Variants in CENPU observed in about 807,000 individuals in gnomAD.
The protein encoded by CENPU is centromere protein U, also known as KSHV latent nuclear antigen interacting protein 1.
CENPU carries 46 observed loss-of-function variants against 56.7 expected under a neutral mutation model. That is an observed-to-expected ratio of 0.81 (90% CI 0.64 to 1.04). The LOEUF (loss-of-function observed/expected upper bound fraction) is 1.04, where lower values mean the gene tolerates loss of function less well. Ranked by LOEUF, CENPU falls within the 50% of genes least tolerant of loss-of-function variation. The pLI, the probability that CENPU is intolerant of heterozygous loss-of-function variation, is 0.00. For synonymous variants in CENPU, 166 were observed against 163.0 expected (o/e 1.02, Z -0.14); for missense variants, 510 against 490.1 (o/e 1.04, Z -0.38).
intron 7 of CENPU, among the ~76,000 whole-genome samples, chr4:184,711,813 C>CA (rs1760934063): frequency 2.0e-5 from 3 of 151,798 alleles, no homozygotes; most frequent in East Asian, 1.9e-4. Flanking sequence ...CATACGTTCG[C>CA]AAAAAAATGT....
intron 8 of CENPU, among the ~76,000 whole-genome samples, chr4:184,709,485 C>CAA (rs370228402): frequency 3.3e-4 from 43 of 128,888 alleles, no homozygotes; most frequent in African/African-American, 6.9e-4. Flanking sequence ...GACTCCATCT[C>CAA]AAAAAAAAAA....
rs1453866530 is a variant in CENPU, at chr4:184,722,279, C to CA, written c.320+2677dup. On this transcript the variant is annotated intron_variant, in intron 4 of 12. Coordinates refer to ENST00000281453, the MANE Select transcript of CENPU (RefSeq NM_024629.4). ...AGTTTACAGCTATAAGCGCCTACAT[C>CA]AAAAAAAGAAAAACTTTAAATAAAT... Among the ~76,000 whole-genome samples the CA allele has an allele frequency of 2.0e-5, 3 of 151,740 alleles. No individual in the cohort carries two copies. In the South Asian group the frequency reaches 6.2e-4, roughly 32 times the overall value.
At chr4:184,695,857 G>A (rs1760274824) in intron 12 of CENPU, among the ~76,000 whole-genome samples, 1 of 151,980 alleles carries the variant, frequency 6.6e-6, no homozygotes, top group Admixed American at 6.6e-5. Flanking sequence ...AGTTCTTAAG[G>A]AAAAAAGAAA....
intron 1 of CENPU, among the ~76,000 whole-genome samples, chr4:184,732,338 C>A (rs1053793128): frequency 2.0e-5 from 3 of 152,082 alleles, no homozygotes; most frequent in Non-Finnish European, 4.4e-5. Flanking sequence ...GAACAGGTTG[C>A]TTGGCACCAC....
At chr4:184,697,505 G>T in intron 12 of CENPU, 142 bp downstream of exon 12, 1 of 773,222 alleles carries the variant, frequency 1.3e-6, no homozygotes, top group Non-Finnish European at 2.1e-6. Flanking sequence ...AAGTTTCACT[G>T]GCTTATAGTG....
At chr4:184,726,827 G>A (rs551929192) in intron 3 of CENPU, among the ~76,000 whole-genome samples, 9 of 152,180 alleles carry the variant, frequency 5.9e-5, no homozygotes, top group East Asian at 5.8e-4. Flanking sequence ...AGTGGCTCAC[G>A]TCTGTAATCC....
At chr4:184,731,125 G>A (rs1186204651) in intron 1 of CENPU, among the ~76,000 whole-genome samples, 157 bp from the exon 2 acceptor site, 1 of 151,122 alleles carries the variant, frequency 6.6e-6, no homozygotes, top group Non-Finnish European at 1.5e-5. Flanking sequence ...TATCACCAAT[G>A]TATAAAATAA....
In CENPU at chr4:184,717,169, A is replaced by T. The variant is rs765821031; in HGVS notation, c.348T>A (p.Ser116Arg). 4 of 1,612,432 alleles carry T rather than the reference A, an allele frequency of 2.5e-6. No individual in the cohort carries two copies. The South Asian group carries it at 4.4e-5, about 18-fold the overall frequency. ...RSSDTSGNEA[S>R]EIESVKISAK... is the part of the protein sequence containing the mutation. ...CACTAATTTTTACAGATTCGATTTC[A>T]CTTGCTTCATTTCCAGAAGTGTCTG... is the stretch of plus-strand genomic sequence containing the variant. Residue 116 changes from serine (S) to arginine (R), a missense_variant, in exon 5 of 13, where the codon AGT becomes AGA. Physicochemically the swap from Ser to Arg is moderately radical, Grantham distance 110. Transcript: ENST00000281453.
At chr4:184,728,198 T>C (rs576226759) in intron 3 of CENPU, among the ~76,000 whole-genome samples, 1 of 152,370 alleles carries the variant, frequency 6.6e-6, no homozygotes, top group Non-Finnish European at 1.5e-5. Context: ...ATTTAGATTT[T>C]AGACAAATAG....
chr4:184,694,429 A>T lies in CENPU; in HGVS notation c.*859T>A, dbSNP rs1760005210. The T allele has an allele frequency of 6.8e-7, 1 of 1,480,022 alleles. No individual in the cohort carries two copies. Among genetic ancestry groups the T allele is most frequent in the African/African-American group, 1.4e-5 (1 of 70,508 alleles). 91.7% of individuals were successfully genotyped at this position (1,480,022 alleles called of 1,614,324 possible). ...TTCACTTTAGTATCTGTCACTTAAT[A>T]CCTTACTTCAACATAGAGTATAAGG... is the stretch of plus-strand genomic sequence containing the variant. On this transcript the variant is annotated 3_prime_UTR_variant, in exon 13 of 13. Transcript: ENST00000281453.
At chr4:184,715,085 C>T (rs1356811919) in intron 6 of CENPU, among the ~76,000 whole-genome samples, 1 of 152,106 alleles carries the variant, frequency 6.6e-6, no homozygotes, top group Non-Finnish European at 1.5e-5. Context: ...TATTTGTTTA[C>T]ATGTACAAAA....
rs746199897 is a variant in CENPU at position 184,694,765 on chromosome 4, G to A, written c.*523C>T. 6.2e-7 allele frequency: 1 copy of A among 1,609,802 alleles called. No individual in the cohort carries two copies. The highest frequency in any genetic ancestry group is 1.1e-5 in the South Asian group (1 of 91,004). On this transcript the variant is annotated 3_prime_UTR_variant, in exon 13 of 13. Coordinates refer to ENST00000281453, the MANE Select transcript of CENPU (RefSeq NM_024629.4). ...AATTCCTGATGAACTAATTATAGAA[G>A]TATTACAAGAGTAACTAATTCACTA... is the stretch of plus-strand genomic sequence containing the variant.
Position 184,695,397 on chromosome 4 carries a change from T to C in CENPU, c.1148A>G (p.Asp383Gly), listed in dbSNP as rs1760245288. ...TAACAGAGCTGGAAGGCTGGATGAATCATACTGTTGAAAGAAAATTATATA... is the reference window on the plus strand; with the variant it reads ...TAACAGAGCTGGAAGGCTGGATGAACCATACTGTTGAAAGAAAATTATATA... The part of the protein sequence containing the change: ...AQEPNVKETY[D>G]SSSLPALLFK... The change falls in exon 13 of 13, where the codon GAT (aspartate) becomes GGT (glycine). Residue 383 changes from aspartate to glycine, a missense_variant. Transcript: ENST00000281453. 1.9e-6 allele frequency: 3 copies of C among 1,608,826 alleles called. No homozygotes were observed. Among genetic ancestry groups the C allele is most frequent in the Non-Finnish European group, 8.5e-7 (1 of 1,175,586 alleles).
intron 11 of CENPU, among the ~76,000 whole-genome samples, 194 bp downstream of exon 11, chr4:184,700,626 T>A (rs1200141613): frequency 2.0e-5 from 3 of 152,290 alleles, no homozygotes; most frequent in Non-Finnish European, 4.4e-5. Context: ...TCTGTGGAGA[T>A]AGATCAGTGT....
In CENPU at chr4:184,729,007, T is replaced by G; in HGVS notation, c.125A>C (p.Asp42Ala). ...AGAATTATCAGGAAAGTCGAACACG[T>G]CAATAGGCTTGCACTTTTGACCAGC... is the stretch of plus-strand genomic sequence containing the variant. ...DKAGQKCKPI[D>A]VFDFPDNSDV... is the part of the protein sequence containing the mutation. The change falls in exon 3 of 13, where the codon GAC becomes GCC. Residue 42 changes from aspartate (D) to alanine (A), a missense_variant. Transcript: ENST00000281453. 6.2e-7 allele frequency: 1 copy of G among 1,613,950 alleles called. No homozygotes were observed. Among genetic ancestry groups the G allele is most frequent in the Non-Finnish European group, 8.5e-7 (1 of 1,179,944 alleles).
At chr4:184,729,208 T>C (rs1761555008) in intron 2 of CENPU, among the ~76,000 whole-genome samples, 173 bp from the exon 3 acceptor site, 1 of 152,220 alleles carries the variant, frequency 6.6e-6, no homozygotes, top group African/African-American at 2.4e-5. Context: ...TAGACATGTA[T>C]GGCAAGATCA....
At chr4:184,712,580 C>T (rs1760961315) in intron 7 of CENPU, among the ~76,000 whole-genome samples, 2 of 152,178 alleles carry the variant, frequency 1.3e-5, no homozygotes, top group African/African-American at 2.4e-5. Flanking sequence ...CATGTGCATA[C>T]TTATGTATTC....
chr4:184,703,499 A>T (rs1340090662), intron 8 of CENPU, among the ~76,000 whole-genome samples: 1 of 152,120 alleles, frequency 6.6e-6, no homozygotes, highest in Non-Finnish European at 1.5e-5. Context: ...ACAAAACAAC[A>T]AGTGTTGGTG....
chr4:184,727,367 C>T (rs1009561737), intron 3 of CENPU, among the ~76,000 whole-genome samples: 5 of 152,066 alleles, frequency 3.3e-5, no homozygotes, highest in African/African-American at 1.2e-4. Context: ...ATGATGGTTG[C>T]ACAACAACGT....
Sources: gnomAD v4.1 joint callset for allele counts (sites outside exome capture counted in the v4.1 genomes callset) on GRCh38, gnomAD v4.1.1 for gene constraint, MANE v1.5 for transcripts, NCBI Gene and HGNC (gene_info 2026-07-23, HGNC 2026-07-21) for gene names.